RNGTT: variants seen among roughly 807,000 people sequenced by gnomAD.
RNGTT encodes the protein mRNA-capping enzyme.
RNGTT carries 33 observed loss-of-function variants against 79.3 expected under a neutral mutation model. The ratio of observed to expected loss-of-function variants is 0.42; its 90% CI spans 0.32 to 0.56. RNGTT has a LOEUF of 0.56. Ranked by LOEUF, RNGTT falls within the 20% of genes least tolerant of loss-of-function variation. The pLI, the probability that RNGTT is intolerant of heterozygous loss-of-function variation, is 0.17. For missense variants in RNGTT, 497 were observed against 739.1 expected, an observed-to-expected ratio of 0.67 and a Z score of 3.80; for synonymous variants, 222 against 235.9, an observed-to-expected ratio of 0.94 and a Z score of 0.54.
chr6:88,930,117 CATAT>C (rs1200276663), intron 2 of RNGTT, among the ~76,000 whole-genome samples: 3 of 139,220 alleles, frequency 2.2e-5, no homozygotes, highest in Non-Finnish European at 4.6e-5. Flanking sequence ...TACGTGTATA[CATAT>C]ATACACGTAT....
chr6:88,882,977 A>G (rs1226416128), intron 8 of RNGTT, among the ~76,000 whole-genome samples: 3 of 152,152 alleles, frequency 2.0e-5, no homozygotes, highest in Admixed American at 6.5e-5. Context: ...ATGAACTAAG[A>G]TACTAAGTAT....
At chr6:88,909,626 G>A (rs934097434) in intron 4 of RNGTT, among the ~76,000 whole-genome samples, 1 of 152,120 alleles carries the variant, frequency 6.6e-6, no homozygotes, top group African/African-American at 2.4e-5. Context: ...AGCTGAGGGG[G>A]ATACCACCAA....
intron 14 of RNGTT, among the ~76,000 whole-genome samples, chr6:88,676,364 C>T (rs1434194190): frequency 6.6e-6 from 1 of 151,166 alleles, no homozygotes; most frequent in African/African-American, 2.4e-5. Flanking sequence ...TTGAGAGTAA[C>T]ATTCTGGAAA....
Position 88,685,639 on chromosome 6 carries a change from T to C in RNGTT, c.1440-7220A>G, listed in dbSNP as rs183884637. On this transcript the variant is annotated intron_variant, in intron 13 of 15. Coordinates refer to ENST00000369485, the MANE Select transcript of RNGTT (RefSeq NM_003800.5). ...CATCAAATTGGGTTTATTCTAAAAA[T>C]CATTTAATATTAAATAACTCACCAT... Among the ~76,000 whole-genome samples, 6 of 151,844 alleles carry C rather than the reference T, an allele frequency of 4.0e-5. No homozygotes were observed. The East Asian group carries it at 1.2e-3, about 29-fold the overall frequency.
intron 8 of RNGTT, among the ~76,000 whole-genome samples, chr6:88,863,257 T>G (rs1782068896): frequency 6.6e-6 from 1 of 152,222 alleles, no homozygotes; most frequent in Non-Finnish European, 1.5e-5. Context: ...CACTGAAGAT[T>G]TGGACAATTT....
intron 6 of RNGTT, among the ~76,000 whole-genome samples, chr6:88,894,726 C>A (rs1244217659): frequency 2.0e-5 from 3 of 152,040 alleles, no homozygotes; most frequent in Non-Finnish European, 4.4e-5. Context: ...GAAAATATGG[C>A]CACTTCAGCA....
intron 1 of RNGTT, among the ~76,000 whole-genome samples, chr6:88,949,335 A>G (rs1392027527): frequency 7.1e-6 from 1 of 141,306 alleles, no homozygotes; most frequent in Non-Finnish European, 1.5e-5. Flanking sequence ...ACCTCGGCTC[A>G]CTACAACCTC....
At position 88,769,783 on chromosome 6, in the gene RNGTT, C is replaced by T. The variant is rs1778586229; in HGVS notation, c.1430G>A (p.Gly477Glu). ...VDFRLKITRM[G>E]GEGLLPQNVG... ...AAAAGTGCATACTTACCCTTCTCCTCCCATTCTTGTTATTTTTAGACGAAA... is the reference window on the plus strand; with the variant it reads ...AAAAGTGCATACTTACCCTTCTCCTTCCATTCTTGTTATTTTTAGACGAAA... The change falls in exon 13 of 16, where the codon GGA (glycine) becomes GAA (glutamate). Residue 477 changes from glycine (G) to glutamate (E), a missense_variant. By Grantham distance (98) the Gly-to-Glu change is moderately conservative (BLOSUM62 -2). Around this residue, in one of 3 missense-constraint regions of RNGTT, gnomAD observed 440 missense variants for 671.5 expected, o/e 0.66. Coordinates refer to ENST00000369485, the MANE Select transcript of RNGTT (RefSeq NM_003800.5). 6.2e-7 allele frequency: 1 copy of T among 1,604,140 alleles called. No homozygotes were observed. Among genetic ancestry groups the T allele is most frequent in the African/African-American group, 1.3e-5 (1 of 74,732 alleles).
intron 9 of RNGTT, among the ~76,000 whole-genome samples, chr6:88,852,201 T>C (rs540365219): frequency 1.1e-4 from 17 of 152,182 alleles, no homozygotes; most frequent in Middle Eastern, 3.4e-3. Context: ...CCCTGCTCAA[T>C]TAAGCAAAAT....
intron 13 of RNGTT, among the ~76,000 whole-genome samples, chr6:88,716,899 T>A (rs1192894060): frequency 2.6e-5 from 4 of 152,030 alleles, no homozygotes; most frequent in African/African-American, 7.2e-5. Flanking sequence ...GCACACCAAC[T>A]TGGCACATGT....
intron 11 of RNGTT, among the ~76,000 whole-genome samples, chr6:88,843,050 G>A (rs555918322): frequency 4.7e-4 from 71 of 151,534 alleles, no homozygotes; most frequent in Non-Finnish European, 9.0e-4. Flanking sequence ...ACTCCAGGCT[G>A]AGCAAGAGTG....
chr6:88,724,998 C>T (rs754570667), intron 13 of RNGTT, among the ~76,000 whole-genome samples: 2 of 152,196 alleles, frequency 1.3e-5, no homozygotes, highest in Non-Finnish European at 2.9e-5. Context: ...AGTGTGCGCT[C>T]ACCATTGCTC....
intron 14 of RNGTT, among the ~76,000 whole-genome samples, chr6:88,672,808 T>C (rs559798682): frequency 2.0e-5 from 3 of 152,280 alleles, no homozygotes; most frequent in African/African-American, 7.2e-5. Flanking sequence ...AAGTCCCAAG[T>C]TTACACATAT....
intron 13 of RNGTT, among the ~76,000 whole-genome samples, chr6:88,716,711 G>A (rs564336073): frequency 1.8e-4 from 27 of 152,014 alleles, no homozygotes; most frequent in East Asian, 5.8e-4. Context: ...GCAAACTATC[G>A]CAAGGACAAA....
intron 11 of RNGTT, among the ~76,000 whole-genome samples, chr6:88,834,243 TA>T (rs1445193938): frequency 2.0e-5 from 3 of 152,220 alleles, no homozygotes; most frequent in African/African-American, 7.2e-5. Flanking sequence ...TAAGATTTAC[TA>T]CTCCAAAAGA....
At chr6:88,701,447 C>A (rs761382339) in intron 13 of RNGTT, among the ~76,000 whole-genome samples, 1 of 151,824 alleles carries the variant, frequency 6.6e-6, no homozygotes, top group Non-Finnish European at 1.5e-5. Context: ...CCTATATATG[C>A]GTGTGTATAT....
chr6:88,644,433 G>A (rs1014654687), intron 14 of RNGTT, among the ~76,000 whole-genome samples: 58 of 152,122 alleles, frequency 3.8e-4, no homozygotes, highest in Admixed American at 2.5e-3. Context: ...ACAAGGAGGA[G>A]CTGGTACCAT....
intron 13 of RNGTT, among the ~76,000 whole-genome samples, chr6:88,757,650 C>T (rs1375918874): frequency 6.6e-6 from 1 of 152,064 alleles, no homozygotes; most frequent in Non-Finnish European, 1.5e-5. Flanking sequence ...ATGTTATAGA[C>T]AAGATTAACA....
intron 14 of RNGTT, among the ~76,000 whole-genome samples, chr6:88,667,026 G>A (rs995791950): frequency 6.6e-6 from 1 of 152,122 alleles, no homozygotes; most frequent in Admixed American, 6.5e-5. Context: ...TGGAAGCCTC[G>A]GAGGGTGGCA....
Sources: allele counts gnomAD v4.1 joint callset (sites outside exome capture counted in the v4.1 genomes callset), GRCh38; gene constraint gnomAD v4.1.1; regional missense constraint gnomAD v4.1.1; transcripts MANE v1.5; gene names NCBI Gene and HGNC (gene_info 2026-07-23, HGNC 2026-07-21).